The following SH3KBP1 variants were observed in gnomAD, a reference collection of about 807,000 sequenced individuals.
SH3KBP1 encodes SH3 domain containing kinase binding protein 1, also known as SH3 domain-containing kinase-binding protein 1.
SH3KBP1 carries 8 observed loss-of-function variants against 50.1 expected under a neutral mutation model. That is an observed-to-expected ratio of 0.16 (90% CI 0.09 to 0.29). The LOEUF (loss-of-function observed/expected upper bound fraction) is 0.29. SH3KBP1 is among the 10% of genes least tolerant of loss of function. The probability of loss-of-function intolerance (pLI) is 1.00; values close to 1 mark genes in which losing one functional copy is unlikely to be tolerated. For synonymous variants in SH3KBP1, 227 were observed against 218.6 expected (o/e 1.04, Z -0.34); for missense variants, 377 against 535.2 (o/e 0.70, Z 2.92).
At chrX:19,600,060 G>A (rs953742237) in intron 9 of SH3KBP1, among the ~76,000 whole-genome samples, 7 of 101,998 alleles carry the variant, frequency 6.9e-5, no homozygotes, top group Admixed American at 2.1e-4. Context: ...GCGTGAACCC[G>A]GGAGGCGGAG....
chrX:19,805,609 T>G (rs755719541), intron 2 of SH3KBP1, among the ~76,000 whole-genome samples: 1 of 108,652 alleles, frequency 9.2e-6, no homozygotes, highest in East Asian at 2.9e-4. Context: ...ACCTGACAGA[T>G]TTGGGTGCCC....
chrX:19,697,480 G>C (rs1420195024), intron 4 of SH3KBP1, among the ~76,000 whole-genome samples: 2 of 111,944 alleles, frequency 1.8e-5, no homozygotes, highest in African/African-American at 6.5e-5. Context: ...ATCTCAATCT[G>C]TGTTAGAAGT....
chrX:19,871,957 G>A (rs2069052752), intron 1 of SH3KBP1, among the ~76,000 whole-genome samples: 1 of 110,654 alleles, frequency 9.0e-6, no homozygotes, highest in African/African-American at 3.3e-5. Context: ...TATCAGTCAG[G>A]TAAAAGAATG....
At chrX:19,687,866 A>C (rs1175354775) in intron 5 of SH3KBP1, among the ~76,000 whole-genome samples, 1 of 112,164 alleles carries the variant, frequency 8.9e-6, no homozygotes, top group Admixed American at 9.4e-5. Context: ...AGGATTTAAG[A>C]ATGTTACAGA....
chrX:19,620,734 G>A (rs758886819), intron 8 of SH3KBP1, among the ~76,000 whole-genome samples: 34 of 112,352 alleles, frequency 3.0e-4, no homozygotes, highest in African/African-American at 9.0e-4. Flanking sequence ...ACGCAATTAC[G>A]TAGCAGGCAA....
At chrX:19,689,072 C>T (rs1031521402) in intron 5 of SH3KBP1, among the ~76,000 whole-genome samples, 3 of 112,182 alleles carry the variant, frequency 2.7e-5, no homozygotes, top group African/African-American at 9.7e-5. Flanking sequence ...TGGTGGTATA[C>T]CCTCCTTTTG....
At chrX:19,542,887 C>T (rs898901664) in intron 15 of SH3KBP1, among the ~76,000 whole-genome samples, 8 of 111,658 alleles carry the variant, frequency 7.2e-5, no homozygotes, top group Admixed American at 9.5e-5. Flanking sequence ...GAAGTACAAG[C>T]GGCTAGGCGA....
At chrX:19,715,120 A>G (rs2063876201) in intron 3 of SH3KBP1, among the ~76,000 whole-genome samples, 1 of 110,358 alleles carries the variant, frequency 9.1e-6, no homozygotes, top group Admixed American at 9.7e-5. Context: ...TAAAAAATGA[A>G]AAATTAGCTT....
Position 19,534,060 on chromosome X carries a change from C to CA in SH3KBP1, c.*2356dup, listed in dbSNP as rs1292289418. The CA allele has an allele frequency of 1.8e-5, 2 of 110,037 alleles. No homozygotes were observed. The highest frequency in any genetic ancestry group is 9.7e-5 in the Admixed American group (1 of 10,260). The allele number at this position is 110,037 out of a possible 1,213,427, so 9.1% of individuals were successfully genotyped here. The stretch of plus-strand genomic sequence containing the variant: ...CTAAATACAACTTTATAAAATGAAG[C>CA]AAAAAAATAATCTCCATAGATGCCT... On this transcript the variant is annotated 3_prime_UTR_variant, in exon 18 of 18. Coordinates refer to ENST00000397821, the MANE Select transcript of SH3KBP1 (RefSeq NM_031892.3).
intron 16 of SH3KBP1, among the ~76,000 whole-genome samples, 161 bp downstream of exon 16, chrX:19,541,764 G>C (rs1182153998): frequency 9.0e-6 from 1 of 111,718 alleles, no homozygotes; most frequent in East Asian, 2.8e-4. Context: ...TATAAATTAA[G>C]ACTCTCGGGG....
intron 6 of SH3KBP1, chrX:19,664,670 T>C (rs1328007207): frequency 1.8e-5 from 2 of 112,067 alleles, no homozygotes; most frequent in Non-Finnish European, 3.8e-5. Flanking sequence ...AGGTTGTCCA[T>C]GAATTACATT....
intron 2 of SH3KBP1, among the ~76,000 whole-genome samples, chrX:19,781,900 T>C (rs1345284773): frequency 8.9e-6 from 1 of 112,138 alleles, no homozygotes; most frequent in Non-Finnish European, 1.9e-5. Flanking sequence ...AGGATTTTTT[T>C]AAATGACCAG....
intron 2 of SH3KBP1, among the ~76,000 whole-genome samples, chrX:19,763,938 C>A (rs971981856): frequency 8.5e-5 from 9 of 105,288 alleles, no homozygotes; most frequent in Non-Finnish European, 1.8e-4. Context: ...ACCACCTGAG[C>A]CCAGGAGGTG....
chrX:19,804,771 T>C (rs1261340550), intron 2 of SH3KBP1, among the ~76,000 whole-genome samples: 1 of 108,881 alleles, frequency 9.2e-6, no homozygotes, highest in Non-Finnish European at 1.9e-5. Flanking sequence ...GATAGAGAGC[T>C]AGGTCTAAAG....
intron 2 of SH3KBP1, among the ~76,000 whole-genome samples, chrX:19,760,981 C>A (rs2148862189): frequency 9.3e-6 from 1 of 107,424 alleles, no homozygotes; most frequent in South Asian, 4.3e-4. Context: ...AGGGTGCATT[C>A]CATCAAGTCA....
Position 19,884,912 on chromosome X carries a change from C to A in SH3KBP1, c.4+2395G>T, listed in dbSNP as rs5955859. On this transcript the variant is annotated intron_variant, in intron 1 of 17. Coordinates refer to ENST00000397821, the MANE Select transcript of SH3KBP1 (RefSeq NM_031892.3). Reference sequence around the variant, plus strand: ...TCACTTCAGGGTTAGGGATTTGGTTCTTTTCTGTTATTTTTCAGAAAACGA... The same window carrying A: ...TCACTTCAGGGTTAGGGATTTGGTTATTTTCTGTTATTTTTCAGAAAACGA... 5.7e-3 allele frequency among the ~76,000 whole-genome samples: 635 copies of A among 111,766 alleles called. 3 individuals carry two copies. The highest frequency in any genetic ancestry group is 0.019 in the African/African-American group (598 of 30,771).
chrX:19,600,976 C>T (rs1040566351), intron 9 of SH3KBP1, among the ~76,000 whole-genome samples: 2 of 111,779 alleles, frequency 1.8e-5, no homozygotes, highest in Admixed American at 1.9e-4. Flanking sequence ...CAGAACTCTA[C>T]GTTTCTCAAT....
At chrX:19,580,389 C>T (rs185152724) in intron 12 of SH3KBP1, among the ~76,000 whole-genome samples, 2 of 111,680 alleles carry the variant, frequency 1.8e-5, no homozygotes, top group Non-Finnish European at 3.8e-5. Flanking sequence ...CGCTTGGCCG[C>T]TTGCCCATTC....
intron 14 of SH3KBP1, among the ~76,000 whole-genome samples, chrX:19,548,444 G>A (rs2065145073): frequency 9.0e-6 from 1 of 111,071 alleles, no homozygotes; most frequent in South Asian, 3.8e-4. Flanking sequence ...TAAGAGGGGT[G>A]TTGGGGTGGG....
Sources: allele counts gnomAD v4.1 joint callset (sites outside exome capture counted in the v4.1 genomes callset), GRCh38; gene constraint gnomAD v4.1.1; transcripts MANE v1.5; gene names NCBI Gene and HGNC (gene_info 2026-07-23, HGNC 2026-07-21).